Variants in NEBL observed in about 807,000 individuals in gnomAD.
NEBL encodes LIM and SH3 protein 2.
NEBL carries 122 observed loss-of-function variants against 140.2 expected under a neutral mutation model. The observed-to-expected ratio is 0.87, with a 90% CI of 0.75 to 1.01. The LOEUF (loss-of-function observed/expected upper bound fraction) is 1.01. Among genes scored for constraint, NEBL ranks in the 50% least tolerant of loss-of-function variants. The pLI, the probability that NEBL is intolerant of heterozygous loss-of-function variation, is 0.00. For missense variants in NEBL, 1,365 were observed against 1,231.3 expected (o/e 1.11, Z -1.62); for synonymous variants, 436 against 398.9 (o/e 1.09, Z -1.11).
At chr10:20,807,063 C>T (rs1837676258) in intron 26 of NEBL, among the ~76,000 whole-genome samples, 4 of 152,200 alleles carry the variant, frequency 2.6e-5, no homozygotes, top group South Asian at 4.1e-4. Context: ...CAGTGGCTCA[C>T]GCCTCTGATC....
intron 4 of NEBL, among the ~76,000 whole-genome samples, chr10:20,914,860 T>C (rs1453940245): frequency 6.6e-6 from 1 of 152,026 alleles, no homozygotes; most frequent in African/African-American, 2.4e-5. Context: ...TCTGGGGTTG[T>C]TTTGTTTTGT....
chr10:20,873,877 T>A (rs1417528312), intron 5 of NEBL, among the ~76,000 whole-genome samples: 4 of 152,156 alleles, frequency 2.6e-5, no homozygotes, highest in Admixed American at 2.0e-4. Flanking sequence ...GAAGGTGGTA[T>A]ATTCCTCCAT....
chr10:20,850,542 C>T (rs993084510), intron 10 of NEBL, 40 bp from the exon 11 acceptor site: 26 of 1,300,858 alleles, frequency 2.0e-5, no homozygotes, highest in Non-Finnish European at 2.7e-5. Context: ...ATCGAAAGTC[C>T]TTATACAAAC....
intron 3 of NEBL, among the ~76,000 whole-genome samples, chr10:21,222,797 T>C (rs995578145): frequency 1.3e-5 from 2 of 152,202 alleles, no homozygotes; most frequent in African/African-American, 4.8e-5. Context: ...AGTTTTGTTC[T>C]TGTCGCCCAG....
At chr10:21,093,449 C>A (rs1378022758) in intron 2 of NEBL, among the ~76,000 whole-genome samples, 1 of 152,164 alleles carries the variant, frequency 6.6e-6, no homozygotes. Context: ...ACCAGACGCC[C>A]AAAGCCAAGT....
At chr10:21,152,234 C>A (rs1840170216) in intron 2 of NEBL, among the ~76,000 whole-genome samples, 1 of 152,194 alleles carries the variant, frequency 6.6e-6, no homozygotes, top group Non-Finnish European at 1.5e-5. Flanking sequence ...GCTCATCTGT[C>A]TGGCCACCCC....
chr10:21,031,532 A>G (rs1486711224), intron 2 of NEBL, among the ~76,000 whole-genome samples: 1 of 152,214 alleles, frequency 6.6e-6, no homozygotes, highest in East Asian at 1.9e-4. Flanking sequence ...GTGAATTTAC[A>G]TCTAAGCGGC....
At chr10:20,940,192 A>G (rs1245534169) in intron 4 of NEBL, among the ~76,000 whole-genome samples, 1 of 152,052 alleles carries the variant, frequency 6.6e-6, no homozygotes, top group Non-Finnish European at 1.5e-5. Context: ...GAAGTAAAGC[A>G]CTCCTCAGCA....
At chr10:20,873,395 T>C (rs988495564) in intron 5 of NEBL, among the ~76,000 whole-genome samples, 1 of 152,010 alleles carries the variant, frequency 6.6e-6, no homozygotes, top group Non-Finnish European at 1.5e-5. Flanking sequence ...GGCCAATAAT[T>C]GCTTTTACAT....
At chr10:20,786,653 G>A (rs1441335935) in intron 27 of NEBL, among the ~76,000 whole-genome samples, 3 of 152,114 alleles carry the variant, frequency 2.0e-5, no homozygotes, top group Non-Finnish European at 4.4e-5. Context: ...AGTTTTCTAG[G>A]TGTTGAGGCA....
chr10:20,831,169 T>C (rs765167945), intron 16 of NEBL, 27 bp downstream of exon 16: 5 of 1,469,614 alleles, frequency 3.4e-6, no homozygotes, highest in African/African-American at 2.8e-5. Context: ...GAATACACGA[T>C]TCTGAGCATC....
intron 2 of NEBL, among the ~76,000 whole-genome samples, chr10:21,073,592 G>T (rs976985151): frequency 6.8e-6 from 1 of 148,020 alleles, no homozygotes; most frequent in Non-Finnish European, 1.5e-5. Flanking sequence ...ACTCTAGCCT[G>T]GGTGACAGAG....
At chr10:21,063,945 G>A (rs1245064470) in intron 2 of NEBL, among the ~76,000 whole-genome samples, 6 of 151,616 alleles carry the variant, frequency 4.0e-5, no homozygotes, top group Non-Finnish European at 8.8e-5. Flanking sequence ...GGTGACATGT[G>A]CCTGGGTTCC....
chr10:21,229,464 A>G (rs1425175669), intron 3 of NEBL, among the ~76,000 whole-genome samples: 1 of 152,164 alleles, frequency 6.6e-6, no homozygotes, highest in Non-Finnish European at 1.5e-5. Context: ...AATGTTACCA[A>G]TTTGGAATAA....
At chr10:20,787,473 T>C (rs1835519809) in intron 26 of NEBL, among the ~76,000 whole-genome samples, 165 bp from the exon 27 acceptor site, 1 of 152,190 alleles carries the variant, frequency 6.6e-6, no homozygotes, top group Non-Finnish European at 1.5e-5. Flanking sequence ...ATCTCTAGAT[T>C]AGTAGAAATC....
intron 3 of NEBL, 103 bp from the exon 4 acceptor site, chr10:20,888,310 G>A (rs951852720): frequency 1.3e-6 from 1 of 750,218 alleles, no homozygotes; most frequent in Non-Finnish European, 2.2e-6. Flanking sequence ...AAACAGAATT[G>A]ATTTTAAAAT....
At chr10:21,223,885 TA>T (rs1262313231) in intron 3 of NEBL, among the ~76,000 whole-genome samples, 1 of 152,218 alleles carries the variant, frequency 6.6e-6, no homozygotes, top group African/African-American at 2.4e-5. Context: ...ATTGAATTAT[TA>T]TATCTTTTCC....
intron 7 of NEBL, among the ~76,000 whole-genome samples, chr10:20,860,528 A>G (rs968412865): frequency 6.7e-6 from 1 of 148,598 alleles, no homozygotes; most frequent in Non-Finnish European, 1.5e-5. Flanking sequence ...AATGCATGTC[A>G]TAACTAATTA....
intron 3 of NEBL, among the ~76,000 whole-genome samples, chr10:21,229,448 T>A (rs1434573698): frequency 6.6e-6 from 1 of 152,092 alleles, no homozygotes; most frequent in Non-Finnish European, 1.5e-5. Flanking sequence ...GGAAATAATA[T>A]AATAAAATGT....
Sources: gnomAD v4.1 joint callset for allele counts (sites outside exome capture counted in the v4.1 genomes callset) on GRCh38, gnomAD v4.1.1 for gene constraint, MANE v1.5 for transcripts, NCBI Gene and HGNC (gene_info 2026-07-23, HGNC 2026-07-21) for gene names.